The following GABRB1 variants were observed in gnomAD, a reference collection of about 807,000 sequenced individuals.
GABRB1 encodes gamma-aminobutyric acid type A receptor subunit beta1.
In GABRB1, 17 loss-of-function variants were observed where a neutral mutation model predicts 51.6. The ratio of observed to expected loss-of-function variants is 0.33; its 90% CI spans 0.23 to 0.49. The LOEUF (loss-of-function observed/expected upper bound fraction) is 0.49, where lower values mean the gene tolerates loss of function less well. Among genes scored for constraint, GABRB1 ranks in the 20% least tolerant of loss-of-function variants. The probability of loss-of-function intolerance (pLI) is 0.99; values close to 1 mark genes in which losing one functional copy is unlikely to be tolerated. For synonymous variants in GABRB1, 247 were observed against 218.9 expected, an observed-to-expected ratio of 1.13 and a Z score of -1.14; for missense variants, 410 against 600.6, an observed-to-expected ratio of 0.68 and a Z score of 3.32.
At chr4:47,269,951 C>A (rs1722794534) in intron 4 of GABRB1, among the ~76,000 whole-genome samples, 1 of 151,414 alleles carries the variant, frequency 6.6e-6, no homozygotes, top group Non-Finnish European at 1.5e-5. Context: ...CACACACACA[C>A]ACACACACAC....
chr4:47,014,350 A>C (rs1437839782), intron 1 of GABRB1, among the ~76,000 whole-genome samples: 1 of 152,220 alleles, frequency 6.6e-6, no homozygotes, highest in Non-Finnish European at 1.5e-5. Context: ...ATAAATTTTC[A>C]AAATGTCATC....
chr4:47,341,718 C>G (rs1725907520), intron 5 of GABRB1, among the ~76,000 whole-genome samples: 2 of 152,082 alleles, frequency 1.3e-5, no homozygotes, highest in South Asian at 4.1e-4. Context: ...GGCTTAAATT[C>G]TGAACCAAAG....
intron 4 of GABRB1, among the ~76,000 whole-genome samples, chr4:47,316,683 G>T (rs1355681257): frequency 6.6e-6 from 1 of 151,868 alleles, no homozygotes; most frequent in Non-Finnish European, 1.5e-5. Context: ...CAATTTATGG[G>T]TGTTCCTAAA....
chr4:47,069,122 C>T (rs1727205261), intron 3 of GABRB1, among the ~76,000 whole-genome samples: 1 of 152,166 alleles, frequency 6.6e-6, no homozygotes, highest in South Asian at 2.1e-4. Context: ...AGCACTGAAC[C>T]AGGATGCTTG....
intron 4 of GABRB1, among the ~76,000 whole-genome samples, chr4:47,184,766 G>C (rs1719100370): frequency 2.0e-5 from 3 of 151,854 alleles, no homozygotes; most frequent in African/African-American, 7.2e-5. Flanking sequence ...CTCCCAGGCT[G>C]TCCACCTCAA....
intron 5 of GABRB1, among the ~76,000 whole-genome samples, chr4:47,330,946 G>A (rs1325032132): frequency 6.6e-6 from 1 of 152,124 alleles, no homozygotes; most frequent in African/African-American, 2.4e-5. Context: ...GTTCTGATCT[G>A]AAATAATGTA....
intron 1 of GABRB1, among the ~76,000 whole-genome samples, chr4:47,023,368 A>G (rs904765732): frequency 6.6e-6 from 1 of 152,044 alleles, no homozygotes; most frequent in African/African-American, 2.4e-5. Flanking sequence ...GCTTGAGGGG[A>G]TGAATATCCC....
intron 3 of GABRB1, among the ~76,000 whole-genome samples, chr4:47,132,157 G>T (rs185433718): frequency 6.6e-6 from 1 of 152,128 alleles, no homozygotes; most frequent in African/African-American, 2.4e-5. Context: ...ACTAGAAAGC[G>T]TCATTCAGAT....
At chr4:47,032,745 G>C in intron 3 of GABRB1, 1 of 682,724 alleles carries the variant, frequency 1.5e-6, no homozygotes, top group Admixed American at 2.0e-5. Context: ...CCGTGGATCT[G>C]CTGGGGCGGA....
At chr4:47,126,133 G>T (rs1246073654) in intron 3 of GABRB1, among the ~76,000 whole-genome samples, 1 of 151,966 alleles carries the variant, frequency 6.6e-6, no homozygotes, top group East Asian at 1.9e-4. Context: ...CCTGACATTT[G>T]CAATAGCATG....
intron 3 of GABRB1, among the ~76,000 whole-genome samples, chr4:47,121,468 T>A (rs918675793): frequency 6.6e-6 from 1 of 152,164 alleles, no homozygotes; most frequent in African/African-American, 2.4e-5. Flanking sequence ...TAGAAGGTGC[T>A]TTTTTGTGTC....
At chr4:47,021,125 A>C (rs1028981602) in intron 1 of GABRB1, among the ~76,000 whole-genome samples, 1 of 152,160 alleles carries the variant, frequency 6.6e-6, no homozygotes, top group Non-Finnish European at 1.5e-5. Flanking sequence ...ACAGATTCCT[A>C]TCTGCCATGA....
intron 4 of GABRB1, among the ~76,000 whole-genome samples, chr4:47,168,209 C>T (rs1466971113): frequency 1.3e-5 from 2 of 152,026 alleles, no homozygotes; most frequent in African/African-American, 4.8e-5. Context: ...CCTATATTGT[C>T]GTATGTCATC....
chr4:47,127,507 C>G (rs1390604610), intron 3 of GABRB1, among the ~76,000 whole-genome samples: 1 of 151,806 alleles, frequency 6.6e-6, no homozygotes, highest in South Asian at 2.1e-4. Context: ...TATTCACCGC[C>G]ACCACCATAT....
chr4:47,372,401 T>C (rs761199876), intron 5 of GABRB1, among the ~76,000 whole-genome samples: 28 of 152,210 alleles, frequency 1.8e-4, no homozygotes, highest in Non-Finnish European at 3.8e-4. Flanking sequence ...ACTCATCAGA[T>C]GCAGAGAGCT....
intron 4 of GABRB1, among the ~76,000 whole-genome samples, chr4:47,210,105 T>C (rs1160261599): frequency 5.9e-5 from 9 of 152,118 alleles, no homozygotes; most frequent in Non-Finnish European, 7.4e-5. Context: ...ATGACTCAAA[T>C]GATGTGTCAT....
intron 1 of GABRB1, among the ~76,000 whole-genome samples, chr4:47,018,803 T>C (rs1724825292): frequency 6.6e-6 from 1 of 152,016 alleles, no homozygotes; most frequent in Non-Finnish European, 1.5e-5. Flanking sequence ...TACATGTGAG[T>C]AGGCTGAGGA....
At chr4:47,405,491 T>C (rs1440519246) in intron 7 of GABRB1, among the ~76,000 whole-genome samples, 1 of 152,208 alleles carries the variant, frequency 6.6e-6, no homozygotes, top group Admixed American at 6.5e-5. Flanking sequence ...TTTCATCTCA[T>C]TGCTTATTTT....
intron 8 of GABRB1, among the ~76,000 whole-genome samples, chr4:47,411,388 A>G (rs888363772): frequency 1.3e-5 from 2 of 152,190 alleles, no homozygotes; most frequent in East Asian, 1.9e-4. Context: ...GTGAAAAAAA[A>G]CAGTATTAAA....
Sources: allele counts gnomAD v4.1 joint callset (sites outside exome capture counted in the v4.1 genomes callset), GRCh38; gene constraint gnomAD v4.1.1; transcripts MANE v1.5; gene names NCBI Gene and HGNC (gene_info 2026-07-23, HGNC 2026-07-21).